TENM2: variants seen among roughly 807,000 people sequenced by gnomAD.
TENM2 encodes teneurin-2.
Under a neutral mutation model 245.2 loss-of-function variants are expected in TENM2, and 52 were observed. That is an observed-to-expected ratio of 0.21 (90% confidence interval 0.17 to 0.27). The LOEUF is 0.27. Among genes scored for constraint, TENM2 ranks in the 10% least tolerant of loss-of-function variants. TENM2 has a pLI of 1.00. For missense variants in TENM2, 3,046 were observed against 3,666.8 expected (o/e 0.83, Z 4.37); for synonymous variants, 1,363 against 1,438.9 (o/e 0.95, Z 1.19).
the TENM2 span, among the ~76,000 whole-genome samples, chr5:167,018,685 A>G: frequency 2.0e-5 from 3 of 152,190 alleles, no homozygotes; most frequent in African/African-American, 7.2e-5. Flanking sequence ...CCATTGCCAC[A>G]GAAATATTTT....
chr5:167,464,392 A>G (rs1582121589), intron 2 of TENM2, among the ~76,000 whole-genome samples: 1 of 152,238 alleles, frequency 6.6e-6, no homozygotes, highest in African/African-American at 2.4e-5. Flanking sequence ...AAGTATATAG[A>G]TAGCCTCTTT....
intron 13 of TENM2, among the ~76,000 whole-genome samples, chr5:168,189,130 C>A (rs1158201062): frequency 6.6e-6 from 1 of 152,190 alleles, no homozygotes; most frequent in Non-Finnish European, 1.5e-5. Context: ...TATAAGGACA[C>A]TCATCCATTT....
chr5:167,714,417 G>A (rs1759118112), intron 2 of TENM2, among the ~76,000 whole-genome samples: 1 of 152,170 alleles, frequency 6.6e-6, no homozygotes, highest in Non-Finnish European at 1.5e-5. Context: ...GGCATTGTTG[G>A]GTCTGATGTC....
the TENM2 span, among the ~76,000 whole-genome samples, chr5:167,018,412 C>CA: frequency 7.3e-5 from 11 of 150,370 alleles, no homozygotes; most frequent in East Asian, 1.9e-4. Flanking sequence ...AAAAACCCAC[C>CA]AAAAAAACAC....
At chr5:167,731,981 C>A (rs1178134470) in intron 2 of TENM2, among the ~76,000 whole-genome samples, 1 of 152,040 alleles carries the variant, frequency 6.6e-6, no homozygotes. Flanking sequence ...GTGAGCAAAT[C>A]AAGATTAAAC....
intron 3 of TENM2, among the ~76,000 whole-genome samples, chr5:167,879,083 A>G (rs1773668581): frequency 6.6e-6 from 1 of 152,182 alleles, no homozygotes; most frequent in African/African-American, 2.4e-5. Context: ...CTTCCCGAGG[A>G]GCACCTGTTC....
intron 2 of TENM2, among the ~76,000 whole-genome samples, chr5:167,583,889 A>G (rs548303686): frequency 1.3e-5 from 2 of 152,218 alleles, no homozygotes; most frequent in South Asian, 4.1e-4. Flanking sequence ...TGTCTGCTTT[A>G]ACACTCCAGT....
At chr5:167,202,040 G>A in the TENM2 span, among the ~76,000 whole-genome samples, 1 of 152,130 alleles carries the variant, frequency 6.6e-6, no homozygotes, top group Non-Finnish European at 1.5e-5. Context: ...GTCTCATGCA[G>A]AGCCCATTCC....
chr5:167,954,206 AACAC>A (rs1310021273), intron 4 of TENM2, among the ~76,000 whole-genome samples: 1 of 151,802 alleles, frequency 6.6e-6, no homozygotes, highest in Non-Finnish European at 1.5e-5. Context: ...CACACAAACA[AACAC>A]ACACACAGGC....
At chr5:167,090,109 C>A in the TENM2 span, among the ~76,000 whole-genome samples, 1 of 151,928 alleles carries the variant, frequency 6.6e-6, no homozygotes, top group East Asian at 1.9e-4. Flanking sequence ...TTTTTCTTTT[C>A]TTTTTTTAAA....
intron 2 of TENM2, among the ~76,000 whole-genome samples, chr5:167,665,302 A>T (rs559038366): frequency 1.3e-5 from 2 of 152,318 alleles, no homozygotes; most frequent in East Asian, 3.9e-4. Context: ...CAGTATTACC[A>T]TTAGTGATAT....
intron 19 of TENM2, among the ~76,000 whole-genome samples, chr5:168,207,869 A>G (rs942697399): frequency 6.6e-6 from 1 of 152,144 alleles, no homozygotes; most frequent in Non-Finnish European, 1.5e-5. Context: ...CAAGTTCTAT[A>G]CACTTAAATA....
At chr5:167,828,664 T>C (rs1056982014) in intron 2 of TENM2, among the ~76,000 whole-genome samples, 2 of 152,148 alleles carry the variant, frequency 1.3e-5, no homozygotes, top group African/African-American at 4.8e-5. Context: ...GACGAAAAAA[T>C]ATATTTATTT....
chr5:167,254,041 A>G, the TENM2 span, among the ~76,000 whole-genome samples: 1 of 152,090 alleles, frequency 6.6e-6, no homozygotes, highest in South Asian at 2.1e-4. Flanking sequence ...TCTCACCGAG[A>G]TATTTAATAC....
At chr5:167,519,284 A>G (rs1270760594) in intron 2 of TENM2, among the ~76,000 whole-genome samples, 11 of 152,118 alleles carry the variant, frequency 7.2e-5, no homozygotes. Context: ...CACATTTTCT[A>G]CAGGATTTAT....
At chr5:167,892,116 T>G (rs1774807914) in intron 3 of TENM2, among the ~76,000 whole-genome samples, 1 of 152,220 alleles carries the variant, frequency 6.6e-6, no homozygotes, top group African/African-American at 2.4e-5. Flanking sequence ...TGTAAGCACA[T>G]TATGGACTGA....
chr5:168,210,700 C>T (rs564058243), intron 19 of TENM2, among the ~76,000 whole-genome samples: 10 of 152,062 alleles, frequency 6.6e-5, no homozygotes, highest in South Asian at 6.3e-4. Flanking sequence ...TGATGGCCCC[C>T]GGCAGAGGAC....
At chr5:167,822,300 T>A (rs1767597653) in intron 2 of TENM2, among the ~76,000 whole-genome samples, 2 of 152,164 alleles carry the variant, frequency 1.3e-5, no homozygotes, top group Non-Finnish European at 2.9e-5. Flanking sequence ...TTTAAACCTG[T>A]TTTAAACATG....
intron 2 of TENM2, among the ~76,000 whole-genome samples, chr5:167,410,292 C>T (rs1321388988): frequency 6.6e-6 from 1 of 151,976 alleles, no homozygotes; most frequent in Non-Finnish European, 1.5e-5. Flanking sequence ...TTTATGAAGG[C>T]AAATATCCAA....
Sources: allele counts gnomAD v4.1 joint callset (sites outside exome capture counted in the v4.1 genomes callset), GRCh38; gene constraint gnomAD v4.1.1; transcripts MANE v1.5; gene names NCBI Gene and HGNC (gene_info 2026-07-23, HGNC 2026-07-21).